MAP4K4: variants seen among roughly 807,000 people sequenced by gnomAD.
The protein encoded by MAP4K4 is mitogen-activated protein kinase kinase kinase kinase 4.
A neutral mutation model predicts 189.6 loss-of-function variants in MAP4K4; 38 were observed. The observed-to-expected ratio is 0.20, with a 90% CI of 0.15 to 0.26. MAP4K4 has a LOEUF of 0.26. Ranked by LOEUF, MAP4K4 falls within the 10% of genes least tolerant of loss-of-function variation. The pLI is 1.00. For synonymous variants in MAP4K4, 610 were observed against 624.3 expected, an observed-to-expected ratio of 0.98 and a Z score of 0.34; for missense variants, 1,054 against 1,726.9, an observed-to-expected ratio of 0.61 and a Z score of 6.91.
chr2:101,784,111 C>T (rs2089302909), intron 2 of MAP4K4, among the ~76,000 whole-genome samples: 1 of 152,200 alleles, frequency 6.6e-6, no homozygotes. Flanking sequence ...CCGCAGCCAC[C>T]ATGGTGGGTC....
intron 3 of MAP4K4, among the ~76,000 whole-genome samples, chr2:101,810,725 T>G (rs1408311823): frequency 6.6e-6 from 1 of 152,202 alleles, no homozygotes; most frequent in Non-Finnish European, 1.5e-5. Flanking sequence ...GTTTTCTTTT[T>G]AAAAGTTCTA....
rs2097746942 is a variant in MAP4K4, at chr2:101,863,988, A to G, written c.2034A>G (p.Ser678=). 4 of 1,367,628 alleles carry G rather than the reference A, an allele frequency of 2.9e-6. No individual in the cohort carries two copies. The African/African-American group carries it at 4.4e-5, about 15-fold the overall frequency. 84.7% of individuals were successfully genotyped at this position (1,367,628 alleles called of 1,614,324 possible). Residue 678 remains serine (S), a synonymous_variant, in exon 17 of 33, where the codon TCA becomes TCG. Transcript: ENST00000324219. Reference sequence around the variant, plus strand: ...TCAGTCAGAGCTCTGACTCTAAGTCAGAGGCGCCTGACCCTACCCAAAAGG... The same window carrying G: ...TCAGTCAGAGCTCTGACTCTAAGTCGGAGGCGCCTGACCCTACCCAAAAGG...
intron 2 of MAP4K4, among the ~76,000 whole-genome samples, chr2:101,720,257 T>G (rs1433927071): frequency 6.6e-6 from 1 of 150,450 alleles, no homozygotes; most frequent in Non-Finnish European, 1.5e-5. Context: ...TGCTGCAACT[T>G]CCACCTCCCA....
intron 16 of MAP4K4, among the ~76,000 whole-genome samples, chr2:101,863,127 G>T (rs143529927): frequency 6.6e-6 from 1 of 152,188 alleles, no homozygotes; most frequent in East Asian, 1.9e-4. Context: ...CCCAACAATA[G>T]TCAATTCAGG....
At position 101,737,881 on chromosome 2, in the gene MAP4K4, A is replaced by G. The variant is rs571132802; in HGVS notation, c.123+39343A>G. Among the ~76,000 whole-genome samples the G allele has an allele frequency of 1.3e-3, 196 of 152,196 alleles. 1 individual carries two copies. Among genetic ancestry groups the G allele is most frequent in the African/African-American group, 4.5e-3 (185 of 41,510 alleles). ...TAACTTTCTCACCACACTTTTTAAA[A>G]GTTGGCCAGGAATGAATGGAAATGG... On this transcript the variant is annotated intron_variant, in intron 2 of 32. Coordinates refer to ENST00000324219, the Ensembl canonical transcript of MAP4K4.
intron 12 of MAP4K4, among the ~76,000 whole-genome samples, chr2:101,847,137 G>A (rs1354755139): frequency 6.6e-6 from 1 of 152,158 alleles, no homozygotes; most frequent in Non-Finnish European, 1.5e-5. Context: ...TGACATCATA[G>A]CCATTGTAAC....
intron 2 of MAP4K4, among the ~76,000 whole-genome samples, chr2:101,789,628 C>G (rs1276033099): frequency 6.6e-6 from 1 of 152,206 alleles, no homozygotes; most frequent in Non-Finnish European, 1.5e-5. Flanking sequence ...GTTCACAACT[C>G]TTTAAGTCAT....
chr2:101,893,827 CTTGTGCAG>C (rs2098598048), exon 33 of MAP4K4: 1 of 152,596 alleles, frequency 6.6e-6, no homozygotes. Context: ...GCTTGGCTTG[CTTGTGCAG>C]CTCCAGGCAC....
At chr2:101,731,770 G>T (rs2058612759) in intron 2 of MAP4K4, among the ~76,000 whole-genome samples, 1 of 150,562 alleles carries the variant, frequency 6.6e-6, no homozygotes, top group African/African-American at 2.4e-5. Flanking sequence ...AAAAAAAAAA[G>T]ATGGAGGGGA....
chr2:101,704,363 A>G (rs1266597792), intron 2 of MAP4K4, among the ~76,000 whole-genome samples: 10 of 151,866 alleles, frequency 6.6e-5, no homozygotes, highest in Admixed American at 3.3e-4. Context: ...TACTAACTCA[A>G]ACATCAAAAG....
exon 24 of MAP4K4, chr2:101,871,499 A>G: frequency 6.5e-7 from 1 of 1,534,546 alleles, no homozygotes; most frequent in African/African-American, 1.4e-5. Context: ...TACAGAGTAC[A>G]GTTGACCAAA....
intron 19 of MAP4K4, 50 bp downstream of exon 19, chr2:101,866,629 T>A: frequency 6.3e-7 from 1 of 1,588,086 alleles, no homozygotes. Context: ...TGAGCTGTGA[T>A]CCATATCTTG....
chr2:101,785,674 C>CTT (rs376456716), intron 2 of MAP4K4, among the ~76,000 whole-genome samples: 10 of 43,048 alleles, frequency 2.3e-4, no homozygotes, highest in African/African-American at 9.4e-4. Flanking sequence ...TTCTTTCTTT[C>CTT]TCCCTCTCTC....
At chr2:101,864,000 C>T (rs2097748012) in exon 17 of MAP4K4, 3 of 1,367,698 alleles carry the variant, frequency 2.2e-6, no homozygotes, top group Non-Finnish European at 2.9e-6. Flanking sequence ...AGGCGCCTGA[C>T]CCTACCCAAA....
chr2:101,808,543 C>A (rs1396043423), intron 3 of MAP4K4, among the ~76,000 whole-genome samples: 1 of 141,542 alleles, frequency 7.1e-6, no homozygotes, highest in African/African-American at 2.9e-5. Context: ...ACACCACCCT[C>A]ACCCCCCCCC....
chr2:101,796,130 A>G (rs1015005415), intron 3 of MAP4K4, among the ~76,000 whole-genome samples: 1 of 152,176 alleles, frequency 6.6e-6, no homozygotes, highest in Admixed American at 6.5e-5. Flanking sequence ...GCTGTATCCA[A>G]TCTAGTCTTC....
chr2:101,819,585 A>C (rs2095917101), intron 3 of MAP4K4, among the ~76,000 whole-genome samples: 1 of 152,206 alleles, frequency 6.6e-6, no homozygotes, highest in Non-Finnish European at 1.5e-5. Flanking sequence ...CTAAAACAGT[A>C]ATTTGAGGGG....
rs1365152879 is a variant in MAP4K4 at position 101,842,761 on chromosome 2, C to T, written c.1022+80C>T. 4.0e-6 allele frequency: 4 copies of T among 998,962 alleles called. No homozygotes were observed. The African/African-American group carries it at 4.9e-5, about 12-fold the overall frequency. The allele number at this position is 998,962 out of a possible 1,614,324, so 61.9% of individuals were successfully genotyped here. On this transcript the variant is annotated intron_variant, in intron 11 of 32. Transcript: ENST00000324219. ...GTTGTGCCAGGACTGCAGAAGACTC[C>T]TGTGTGGTACAAAGAATCTTAAATT... is the stretch of plus-strand genomic sequence containing the variant.
In MAP4K4 at chr2:101,860,810, A is replaced by C; in HGVS notation, c.1705-15A>C. 4 of 1,596,408 alleles carry C rather than the reference A, an allele frequency of 2.5e-6. No homozygotes were observed. Among genetic ancestry groups the C allele is most frequent in the Non-Finnish European group, 3.4e-6 (4 of 1,170,992 alleles). The stretch of plus-strand genomic sequence containing the variant: ...CTACTAACACTGAGTTATGTCTTCT[A>C]ATTCTCTGATGCAGGTGGAAGATAG... On this transcript the variant is annotated splice_polypyrimidine_tract_variant and intron_variant, in intron 15 of 32. Transcript: ENST00000324219.
Sources: allele counts gnomAD v4.1 joint callset (sites outside exome capture counted in the v4.1 genomes callset), GRCh38; gene constraint gnomAD v4.1.1; transcripts MANE v1.5; gene names NCBI Gene and HGNC (gene_info 2026-07-23, HGNC 2026-07-21).